COLEC12: variants seen among roughly 807,000 people sequenced by gnomAD.
COLEC12 encodes the protein collectin subfamily member 12.
Under a neutral mutation model 71.1 loss-of-function variants are expected in COLEC12, and 33 were observed. The observed-to-expected ratio is 0.46, with a 90% CI of 0.35 to 0.62. The LOEUF (loss-of-function observed/expected upper bound fraction) is 0.62. COLEC12 is among the 20% of genes least tolerant of loss of function. COLEC12 has a pLI of 0.00. For synonymous variants in COLEC12, 350 were observed against 353.0 expected (o/e 0.99, Z 0.10); for missense variants, 765 against 916.1 (o/e 0.84, Z 2.13).
intron 2 of COLEC12, among the ~76,000 whole-genome samples, chr18:405,884 G>C (rs1299967108): frequency 6.6e-6 from 1 of 152,022 alleles, no homozygotes; most frequent in Admixed American, 6.5e-5. Flanking sequence ...TCTTGAAAAG[G>C]GCTGGGTAAA....
intron 2 of COLEC12, among the ~76,000 whole-genome samples, chr18:404,241 AG>A (rs2143621559): frequency 6.6e-6 from 1 of 152,310 alleles, no homozygotes; most frequent in Admixed American, 6.5e-5. Context: ...TGTTTTTCAA[AG>A]TTTGGGAAAA....
At chr18:405,812 C>T (rs1021385112) in intron 2 of COLEC12, among the ~76,000 whole-genome samples, 1 of 152,034 alleles carries the variant, frequency 6.6e-6, no homozygotes, top group Admixed American at 6.6e-5. Context: ...GGCCTTTTCA[C>T]CTGGCCTGCC....
At chr18:467,752 C>T (rs1917115258) in intron 2 of COLEC12, among the ~76,000 whole-genome samples, 1 of 152,076 alleles carries the variant, frequency 6.6e-6, no homozygotes, top group Non-Finnish European at 1.5e-5. Context: ...GAAAATGCTT[C>T]AATACTCATA....
intron 3 of COLEC12, among the ~76,000 whole-genome samples, chr18:350,934 T>C (rs905977434): frequency 4.4e-5 from 6 of 137,240 alleles, no homozygotes; most frequent in African/African-American, 1.1e-4. Context: ...CACTCCAGCC[T>C]GGGCAACAGA....
At chr18:453,988 T>C (rs1916814190) in intron 2 of COLEC12, among the ~76,000 whole-genome samples, 1 of 152,336 alleles carries the variant, frequency 6.6e-6, no homozygotes, top group African/African-American at 2.4e-5. Context: ...CCATCACCTC[T>C]GATTTAGTCT....
At position 335,078 on chromosome 18, in the gene COLEC12, CG is replaced by C. The variant is rs1370347479; in HGVS notation, c.1479del (p.Gly494GlufsTer152). The C allele has an allele frequency of 6.2e-7, 1 of 1,611,478 alleles. No homozygotes were observed. Among genetic ancestry groups the C allele is most frequent in the Non-Finnish European group, 8.5e-7 (1 of 1,179,160 alleles). Reference sequence around the variant, plus strand: ...TTAGATCCTTTGCCGCCACGCTCTCCGGGGGGACCAGCTGGTCCAATTGGGC... The same window carrying C: ...TTAGATCCTTTGCCGCCACGCTCTCCGGGGGACCAGCTGGTCCAATTGGGC... Reference protein sequence around the residue: ...ERGPIGPAGPPGERGGKGSKG... With the variant: ...ERGPIGPAGPXGERGGKGSKG... On this transcript the variant is annotated frameshift_variant, in exon 6 of 10. Coordinates refer to ENST00000400256, the MANE Select transcript of COLEC12 (RefSeq NM_130386.3). LOFTEE classifies it high-confidence loss of function.
intron 1 of COLEC12, among the ~76,000 whole-genome samples, chr18:490,255 G>A (rs1035714615): frequency 5.3e-5 from 8 of 152,216 alleles, no homozygotes; most frequent in South Asian, 4.1e-4. Flanking sequence ...CAGCCATTCC[G>A]GCCACCCCCA....
chr18:498,409 G>T (rs1468485573), intron 1 of COLEC12, among the ~76,000 whole-genome samples: 1 of 144,288 alleles, frequency 6.9e-6, no homozygotes, highest in Non-Finnish European at 1.5e-5. Flanking sequence ...ACCCAGGCTG[G>T]AGTGCAATGG....
At chr18:435,019 CTT>C (rs1403859338) in intron 2 of COLEC12, among the ~76,000 whole-genome samples, 1 of 152,172 alleles carries the variant, frequency 6.6e-6, no homozygotes. Flanking sequence ...ACTTTCCTGA[CTT>C]TGACCAGCAG....
intron 3 of COLEC12, among the ~76,000 whole-genome samples, chr18:356,968 C>A (rs969691584): frequency 6.6e-6 from 1 of 152,158 alleles, no homozygotes; most frequent in Non-Finnish European, 1.5e-5. Context: ...AATTAGTTGG[C>A]CGATCCCTGG....
chr18:368,891 A>T (rs1192149582), intron 2 of COLEC12, among the ~76,000 whole-genome samples: 1 of 152,094 alleles, frequency 6.6e-6, no homozygotes, highest in African/African-American at 2.4e-5. Context: ...CAAAACACAA[A>T]AACAAAACAA....
rs978242836 is a variant in COLEC12, at chr18:389,194, T to TACAC, written c.59-31676_59-31673dup. ...GGGATATAAAAAAATAAATGTCCAT[T>TACAC]ACACACACACACAGACACACACACA... On this transcript the variant is annotated intron_variant, in intron 2 of 9. Coordinates refer to ENST00000400256, the MANE Select transcript of COLEC12 (RefSeq NM_130386.3). 3.2e-5 allele frequency among the ~76,000 whole-genome samples: 4 copies of TACAC among 124,172 alleles called. No homozygotes were observed. The East Asian group carries it at 8.5e-4, about 26-fold the overall frequency. The allele number at this position is 124,172 out of a possible 152,430, so 81.5% of individuals were successfully genotyped here.
chr18:347,884 C>T (rs77928529), intron 4 of COLEC12, among the ~76,000 whole-genome samples, 181 bp downstream of exon 4: 7,594 of 152,130 alleles, frequency 0.05, 187 homozygotes, highest in Middle Eastern at 0.1. Context: ...AATTCCAAAA[C>T]TGACCCTTAA....
chr18:340,441 C>T (rs1281785890), intron 5 of COLEC12, among the ~76,000 whole-genome samples: 1 of 152,160 alleles, frequency 6.6e-6, no homozygotes, highest in East Asian at 1.9e-4. Context: ...GCCTTGAAAA[C>T]CTGAATTTTC....
chr18:375,524 T>C (rs1232651947), intron 2 of COLEC12, among the ~76,000 whole-genome samples: 1 of 152,220 alleles, frequency 6.6e-6, no homozygotes, highest in Non-Finnish European at 1.5e-5. Flanking sequence ...TCTCATTATG[T>C]TGCCCAGGCT....
chr18:413,436 T>C (rs769424704), intron 2 of COLEC12, among the ~76,000 whole-genome samples: 3 of 152,258 alleles, frequency 2.0e-5, no homozygotes, highest in Admixed American at 1.3e-4. Context: ...GAAAATAGTT[T>C]GGCAGTTTCT....
At chr18:373,157 C>T (rs907091571) in intron 2 of COLEC12, among the ~76,000 whole-genome samples, 2 of 152,186 alleles carry the variant, frequency 1.3e-5, no homozygotes. Flanking sequence ...AATTTGTATG[C>T]AATTGAGGAA....
At chr18:428,803 G>A (rs1416802769) in intron 2 of COLEC12, among the ~76,000 whole-genome samples, 2 of 152,072 alleles carry the variant, frequency 1.3e-5, no homozygotes, top group African/African-American at 2.4e-5. Context: ...TTAATTTAAT[G>A]TTTTTCTCCC....
chr18:424,463 T>C (rs1916159137), intron 2 of COLEC12: 1 of 152,212 alleles, frequency 6.6e-6, no homozygotes, highest in African/African-American at 2.4e-5. Flanking sequence ...GTTTAAATGG[T>C]GCAGCCTTAG....
Sources: allele counts gnomAD v4.1 joint callset (sites outside exome capture counted in the v4.1 genomes callset), GRCh38; gene constraint gnomAD v4.1.1; transcripts MANE v1.5; gene names NCBI Gene and HGNC (gene_info 2026-07-23, HGNC 2026-07-21).